Variants in ASPRV1 observed in about 807,000 individuals in gnomAD.
The protein encoded by ASPRV1 is retroviral-like aspartic protease 1.
Under a neutral mutation model 11.0 loss-of-function variants are expected in ASPRV1, and 7 were observed. The ratio of observed to expected loss-of-function variants is 0.64; its 90% CI spans 0.36 to 1.20. ASPRV1 has a LOEUF of 1.20. Among genes scored for constraint, ASPRV1 ranks in the 50% most tolerant of loss-of-function variants. The pLI is 0.02. For synonymous variants in ASPRV1, 136 were observed against 138.4 expected (o/e 0.98, Z 0.12); for missense variants, 299 against 320.0 (o/e 0.93, Z 0.50).
At chr2:70,022,854 C>T in the ASPRV1 span, among the ~76,000 whole-genome samples, 1 of 151,856 alleles carries the variant, frequency 6.6e-6, no homozygotes, top group Admixed American at 6.6e-5. Context: ...TAAATTATAA[C>T]TCAATAAAGC....
the ASPRV1 span, among the ~76,000 whole-genome samples, chr2:70,032,778 TG>T: frequency 1.3e-5 from 2 of 152,220 alleles, no homozygotes; most frequent in Non-Finnish European, 2.9e-5. Context: ...ATGGTGTGGC[TG>T]AGGAGGCTGC....
chr2:69,974,109 G>C, the ASPRV1 span, among the ~76,000 whole-genome samples: 1 of 151,872 alleles, frequency 6.6e-6, no homozygotes, highest in African/African-American at 2.4e-5. Flanking sequence ...AGACCGAGGC[G>C]GGCAGATCAC....
At chr2:70,085,202 A>C in the ASPRV1 span, among the ~76,000 whole-genome samples, 1,947 of 152,276 alleles carry the variant, frequency 0.013, 46 homozygotes, top group African/African-American at 0.045. Flanking sequence ...GACGGAAGCA[A>C]GTCAGTCATA....
At chr2:70,027,141 C>G in the ASPRV1 span, among the ~76,000 whole-genome samples, 27 of 149,880 alleles carry the variant, frequency 1.8e-4, no homozygotes, top group Admixed American at 1.6e-3. Flanking sequence ...ACCTGTAGTC[C>G]CAGCTACGCA....
At chr2:70,057,032 C>A in the ASPRV1 span, among the ~76,000 whole-genome samples, 1 of 151,882 alleles carries the variant, frequency 6.6e-6, no homozygotes, top group East Asian at 1.9e-4. Flanking sequence ...CCACCGCGCC[C>A]AGCTCACAAC....
At position 69,961,447 on chromosome 2, in the gene ASPRV1, T is replaced by G; in HGVS notation, c.-11A>C. ...TCCGCTCCCGGCCATCCTGCTGCTC[T>G]CCTCTGGAACCTCAGCAGCAACCCA... is the stretch of plus-strand genomic sequence containing the variant. On this transcript the variant is annotated 5_prime_UTR_variant, in exon 1 of 1. Transcript: ENST00000320256. The G allele has an allele frequency of 1.2e-6, 2 of 1,614,066 alleles. No individual in the cohort carries two copies. Among genetic ancestry groups the G allele is most frequent in the Non-Finnish European group, 1.7e-6 (2 of 1,180,014 alleles).
the ASPRV1 span, among the ~76,000 whole-genome samples, chr2:70,084,280 T>C: frequency 6.6e-6 from 1 of 152,360 alleles, no homozygotes; most frequent in South Asian, 2.1e-4. Flanking sequence ...GTTTGAACAT[T>C]CCTTGATTAT....
the ASPRV1 span, among the ~76,000 whole-genome samples, chr2:70,086,701 C>A: frequency 6.6e-6 from 1 of 152,216 alleles, no homozygotes; most frequent in Non-Finnish European, 1.5e-5. Context: ...GCGGTGGAAA[C>A]GACACAAGGG....
At chr2:69,948,099 T>C in the ASPRV1 span, among the ~76,000 whole-genome samples, 2 of 129,626 alleles carry the variant, frequency 1.5e-5, no homozygotes, top group Non-Finnish European at 3.2e-5. Flanking sequence ...AAAAAAAAAA[T>C]TAGCCGAGGT....
At chr2:69,992,135 G>C in the ASPRV1 span, among the ~76,000 whole-genome samples, 2 of 151,980 alleles carry the variant, frequency 1.3e-5, no homozygotes, top group Admixed American at 1.3e-4. Flanking sequence ...CACTCTTAAT[G>C]ATCTTTGTTC....
At chr2:69,978,426 C>T in the ASPRV1 span, among the ~76,000 whole-genome samples, 1 of 152,134 alleles carries the variant, frequency 6.6e-6, no homozygotes, top group Non-Finnish European at 1.5e-5. Context: ...ACTAGGCCAC[C>T]TTAGGAAAAC....
chr2:69,951,547 CAT>C, the ASPRV1 span, among the ~76,000 whole-genome samples: 1 of 145,866 alleles, frequency 6.9e-6, no homozygotes, highest in Non-Finnish European at 1.5e-5. Context: ...TATATATACA[CAT>C]ACATATCATA....
chr2:70,046,816 A>G, the ASPRV1 span: 1 of 152,192 alleles, frequency 6.6e-6, no homozygotes, highest in Non-Finnish European at 1.5e-5. Context: ...CAAGAACAAC[A>G]ACAACAACAA....
chr2:69,956,656 T>A (rs1344936593), downstream of ASPRV1, among the ~76,000 whole-genome samples: 1 of 152,122 alleles, frequency 6.6e-6, no homozygotes, highest in East Asian at 1.9e-4. Flanking sequence ...GACAGTCTTA[T>A]GAGAAACAAG....
the ASPRV1 span, among the ~76,000 whole-genome samples, chr2:69,943,768 A>T: frequency 6.6e-6 from 1 of 152,124 alleles, no homozygotes; most frequent in African/African-American, 2.4e-5. Flanking sequence ...CGTGAGTCTC[A>T]TTGGCGCTCA....
the ASPRV1 span, among the ~76,000 whole-genome samples, chr2:70,035,183 C>T: frequency 3.9e-5 from 6 of 152,162 alleles, no homozygotes; most frequent in Non-Finnish European, 7.4e-5. Flanking sequence ...ATCCAGGTTG[C>T]CAGTAGGAAA....
chr2:70,031,154 C>T, the ASPRV1 span: 1 of 152,080 alleles, frequency 6.6e-6, no homozygotes, highest in South Asian at 2.1e-4. Context: ...TTCCTTGCTT[C>T]CTGTAGTTAA....
At chr2:70,043,083 A>G in the ASPRV1 span, among the ~76,000 whole-genome samples, 3 of 152,174 alleles carry the variant, frequency 2.0e-5, no homozygotes, top group African/African-American at 7.2e-5. Context: ...AAAGGCAGTT[A>G]GAGAACACTG....
the ASPRV1 span, among the ~76,000 whole-genome samples, chr2:69,992,835 T>C: frequency 2.0e-5 from 3 of 152,336 alleles, no homozygotes; most frequent in South Asian, 6.2e-4. Context: ...ATGTCAACAA[T>C]AGGATGTGCA....
Sources: allele counts gnomAD v4.1 joint callset (sites outside exome capture counted in the v4.1 genomes callset), GRCh38; gene constraint gnomAD v4.1.1; transcripts MANE v1.5; gene names NCBI Gene and HGNC (gene_info 2026-07-23, HGNC 2026-07-21).